SLIT3: variants seen among roughly 807,000 people sequenced by gnomAD.
SLIT3 encodes the protein slit homolog 3 protein.
A neutral mutation model predicts 184.0 loss-of-function variants in SLIT3; 68 were observed. The observed-to-expected ratio is 0.37, with a 90% CI of 0.30 to 0.45. The LOEUF (loss-of-function observed/expected upper bound fraction) is 0.45. Ranked by LOEUF, SLIT3 falls within the 20% of genes least tolerant of loss-of-function variation. SLIT3 has a pLI of 1.00. For synonymous variants in SLIT3, 831 were observed against 828.6 expected (o/e 1.00, Z -0.05); for missense variants, 1,707 against 2,026.0 (o/e 0.84, Z 3.02).
intron 4 of SLIT3, among the ~76,000 whole-genome samples, chr5:169,030,030 G>A (rs895121276): frequency 6.6e-6 from 1 of 152,278 alleles, no homozygotes; most frequent in East Asian, 1.9e-4. Flanking sequence ...GGAAAGAGGG[G>A]AGCTACCCAC....
intron 4 of SLIT3, among the ~76,000 whole-genome samples, chr5:169,066,768 C>T (rs1045778424): frequency 1.3e-5 from 2 of 151,850 alleles, no homozygotes; most frequent in Non-Finnish European, 2.9e-5. Flanking sequence ...CAATATAATA[C>T]AAGTCTTAAA....
At chr5:168,962,171 C>T (rs1440207247) in intron 4 of SLIT3, among the ~76,000 whole-genome samples, 2 of 152,152 alleles carry the variant, frequency 1.3e-5, no homozygotes, top group East Asian at 1.9e-4. Flanking sequence ...CAATGTCCCA[C>T]AGGCTCAGGG....
At chr5:169,035,269 A>G (rs190540122) in intron 4 of SLIT3, among the ~76,000 whole-genome samples, 7 of 152,288 alleles carry the variant, frequency 4.6e-5, no homozygotes, top group Non-Finnish European at 2.9e-5. Context: ...TAATATTAAC[A>G]GTAGTAGTAA....
chr5:168,810,996 C>T (rs546316500), intron 8 of SLIT3, among the ~76,000 whole-genome samples: 1 of 152,112 alleles, frequency 6.6e-6, no homozygotes, highest in South Asian at 2.1e-4. Context: ...TAACCAGGGA[C>T]CTGCCTCCTG....
chr5:169,007,439 T>C (rs551969866), intron 4 of SLIT3, among the ~76,000 whole-genome samples: 2 of 152,344 alleles, frequency 1.3e-5, no homozygotes, highest in Admixed American at 1.3e-4. Flanking sequence ...GCAGTCCCTT[T>C]GGACCCAACC....
At chr5:168,968,086 A>G (rs1763276464) in intron 4 of SLIT3, among the ~76,000 whole-genome samples, 1 of 152,156 alleles carries the variant, frequency 6.6e-6, no homozygotes, top group African/African-American at 2.4e-5. Context: ...CTCCCTGAAC[A>G]TAAAGATTAA....
At chr5:168,883,462 T>C in intron 4 of SLIT3, 126 bp from the exon 5 acceptor site, 1 of 689,250 alleles carries the variant, frequency 1.5e-6, no homozygotes, top group Non-Finnish European at 2.5e-6. Flanking sequence ...ATGGCGGCTG[T>C]TTGGTCTCGG....
intron 15 of SLIT3, 63 bp downstream of exon 15, chr5:168,762,476 C>G (rs1372675524): frequency 6.4e-7 from 1 of 1,569,674 alleles, no homozygotes; most frequent in African/African-American, 1.3e-5. Flanking sequence ...ACCCTGCCCA[C>G]GCTGGCTCCG....
intron 5 of SLIT3, among the ~76,000 whole-genome samples, chr5:168,852,996 T>C (rs1758731428): frequency 6.6e-6 from 1 of 152,218 alleles, no homozygotes; most frequent in Non-Finnish European, 1.5e-5. Flanking sequence ...AGCTCTGAAG[T>C]TATATGACCT....
At chr5:168,696,482 G>C in intron 27 of SLIT3, 51 bp from the exon 28 acceptor site, 5 of 1,607,968 alleles carry the variant, frequency 3.1e-6, no homozygotes, top group Non-Finnish European at 4.3e-6. Context: ...CAGGGAGAGA[G>C]GTGGGTTGGG....
At position 168,662,520 on chromosome 5, in the gene SLIT3, A is replaced by G. The variant is rs1317278945; in HGVS notation, c.*3934T>C. The G allele has an allele frequency of 6.6e-6, 1 of 151,984 alleles. No homozygotes were observed. The highest frequency in any genetic ancestry group is 2.4e-5 in the African/African-American group (1 of 41,368). 9.4% of individuals were successfully genotyped at this position (151,984 alleles called of 1,614,324 possible). On this transcript the variant is annotated 3_prime_UTR_variant, in exon 36 of 36. Transcript: ENST00000519560. ...CTTGCCCTTCTTCTCATCTTTTTGA[A>G]GCATCAGACTTGAGTTCCTTGCTAT...
intron 33 of SLIT3, among the ~76,000 whole-genome samples, chr5:168,672,022 T>C (rs1475735937): frequency 6.6e-6 from 1 of 152,208 alleles, no homozygotes; most frequent in Non-Finnish European, 1.5e-5. Context: ...GGTGTACCCC[T>C]CTTCTCAGGA....
chr5:168,994,623 C>CCT lies in SLIT3; in HGVS notation c.414-111288_414-111287insAG, dbSNP rs1755447165. ...ACATGTACCAGTGTCTGGCATTCTA[C>CCT]TTTTTTTTTTTTTTTTTTTTTTTTT... On this transcript the variant is annotated intron_variant, in intron 4 of 35. Coordinates refer to ENST00000519560, the MANE Select transcript of SLIT3 (RefSeq NM_003062.4). Among the ~76,000 whole-genome samples the CCT allele has an allele frequency of 6.4e-5, 3 of 47,074 alleles. No homozygotes were observed. The Admixed American group carries it at 9.1e-4, about 14-fold the overall frequency. 30.9% of individuals were successfully genotyped at this position (47,074 alleles called of 152,430 possible).
At position 168,664,798 on chromosome 5, in the gene SLIT3, G is replaced by A. The variant is rs1478948935; in HGVS notation, c.*1656C>T. The A allele has an allele frequency of 1.3e-5, 2 of 152,402 alleles. No homozygotes were observed. The highest frequency in any genetic ancestry group is 1.9e-4 in the East Asian group (1 of 5,174). The allele number at this position is 152,402 out of a possible 1,614,324, so 9.4% of individuals were successfully genotyped here. On this transcript the variant is annotated 3_prime_UTR_variant, in exon 36 of 36. Transcript: ENST00000519560. ...ATGTGGCTAACCTGATGGGGTGGAA[G>A]GGGGCAAATGGGAGTGAGGGAGGGA...
chr5:168,903,247 G>T (rs190558335), intron 4 of SLIT3, among the ~76,000 whole-genome samples: 97 of 152,272 alleles, frequency 6.4e-4, no homozygotes, highest in Admixed American at 6.2e-3. Flanking sequence ...GGGATAAGCC[G>T]TGAGTCTCCA....
At chr5:169,143,593 G>A (rs1761817503) in intron 4 of SLIT3, among the ~76,000 whole-genome samples, 1 of 152,232 alleles carries the variant, frequency 6.6e-6, no homozygotes, top group Non-Finnish European at 1.5e-5. Flanking sequence ...GAGGTCAGGA[G>A]TTCAAGACCA....
chr5:168,681,276 C>A (rs902607506), intron 32 of SLIT3, among the ~76,000 whole-genome samples: 1 of 152,214 alleles, frequency 6.6e-6, no homozygotes, highest in Non-Finnish European at 1.5e-5. Flanking sequence ...GTGTGTCTTC[C>A]TCCCTGGACT....
intron 20 of SLIT3, among the ~76,000 whole-genome samples, chr5:168,737,836 T>C (rs1763488537): frequency 6.6e-6 from 1 of 152,140 alleles, no homozygotes. Context: ...GATTTTTAGG[T>C]TTCAGTTCTA....
chr5:169,003,134 A>G (rs1755778396), intron 4 of SLIT3, among the ~76,000 whole-genome samples: 1 of 152,264 alleles, frequency 6.6e-6, no homozygotes, highest in African/African-American at 2.4e-5. Context: ...TATTACCAGT[A>G]TGTATCTACA....
Sources: allele counts gnomAD v4.1 joint callset (sites outside exome capture counted in the v4.1 genomes callset), GRCh38; gene constraint gnomAD v4.1.1; transcripts MANE v1.5; gene names NCBI Gene and HGNC (gene_info 2026-07-23, HGNC 2026-07-21).